The following MYOM2 variants were observed in gnomAD, a reference collection of about 807,000 sequenced individuals.
The protein encoded by MYOM2 is myomesin 2, also known as myomesin-2.
Under a neutral mutation model 187.6 loss-of-function variants are expected in MYOM2, and 254 were observed. That is an observed-to-expected ratio of 1.35 (90% confidence interval 1.22 to 1.50). The LOEUF (loss-of-function observed/expected upper bound fraction) is 1.50, where lower values mean the gene tolerates loss of function less well. Ranked by LOEUF, MYOM2 falls within the 40% of genes most tolerant of loss-of-function variation. The pLI, the probability that MYOM2 is intolerant of heterozygous loss-of-function variation, is 0.00. For missense variants in MYOM2, 2,796 were observed against 1,924.0 expected, an observed-to-expected ratio of 1.45 and a Z score of -8.48; for synonymous variants, 981 against 753.8, an observed-to-expected ratio of 1.30 and a Z score of -4.94.
chr8:2,046,929 C>G lies in MYOM2; in HGVS notation c.-13+1761C>G, dbSNP rs530706886. 2.5e-3 allele frequency among the ~76,000 whole-genome samples: 379 copies of G among 152,174 alleles called. 1 individual carries two copies. Among genetic ancestry groups the G allele is most frequent in the Non-Finnish European group, 4.1e-3 (279 of 68,018 alleles). On this transcript the variant is annotated intron_variant, in intron 1 of 36. Transcript: ENST00000262113. ...ATAGTACAGGTTGATCATTCCAAAT[C>G]TGAAGATCAGAAATCCAGAATGCTC...
intron 25 of MYOM2, among the ~76,000 whole-genome samples, chr8:2,112,739 C>T (rs979246464): frequency 7.9e-5 from 12 of 152,160 alleles, no homozygotes; most frequent in African/African-American, 2.7e-4. Context: ...GAAATGTAAA[C>T]TCAGAGAGAA....
rs776329823 is a variant in MYOM2, at chr8:2,078,860, G to A, written c.1389G>A (p.Ala463=). The change falls in exon 12 of 37, where the codon GCG becomes GCA. Residue 463 remains alanine, a synonymous_variant. Coordinates refer to ENST00000262113, the MANE Select transcript of MYOM2 (RefSeq NM_003970.4). ...YIFRVRAVNS[A]GISRPSRVSD... ...TCCGAGTGAGGGCAGTGAACAGTGC[G>A]GGCATCAGCCGACCCTCCAGGGTCT... 1.4e-5 allele frequency: 23 copies of A among 1,613,880 alleles called. No homozygotes were observed. The highest frequency in any genetic ancestry group is 1.1e-4 in the East Asian group (5 of 44,884).
intron 6 of MYOM2, among the ~76,000 whole-genome samples, chr8:2,064,067 G>T (rs558948495): frequency 6.6e-6 from 1 of 152,234 alleles, no homozygotes; most frequent in Non-Finnish European, 1.5e-5. Flanking sequence ...ATGGGCCAAA[G>T]CTGTGATTTG....
rs1819532009 is a variant in MYOM2, at chr8:2,079,039, G to T, written c.1462+106G>T. 5 of 1,085,734 alleles carry T rather than the reference G, an allele frequency of 4.6e-6. No individual in the cohort carries two copies. The Admixed American group carries it at 7.3e-5, about 16-fold the overall frequency. The allele number at this position is 1,085,734 out of a possible 1,614,324, so 67.3% of individuals were successfully genotyped here. A position where few individuals can be genotyped will look rare whatever the true frequency, so the allele number is the denominator to read the frequency against. ...CCAACTCGATGTGAGCCCTGAGAAT[G>T]CCCTGTGTGCAGAGCATAGCACAGG... On this transcript the variant is annotated intron_variant, in intron 12 of 36. Transcript: ENST00000262113.
chr8:2,076,283 G>T lies in MYOM2; in HGVS notation c.1262+1G>T. On this transcript the variant is annotated splice_donor_variant, in intron 11 of 36. Transcript: ENST00000262113. LOFTEE classifies it high-confidence loss of function. The stretch of plus-strand genomic sequence containing the variant: ...CCGTCATGGGCTATTTTGTGGACCG[G>T]TGAGCGTCTTGCATTCTCCCGGGGA... 1 of 1,613,330 alleles carries T rather than the reference G, an allele frequency of 6.2e-7. No individual in the cohort carries two copies. The highest frequency in any genetic ancestry group is 8.5e-7 in the Non-Finnish European group (1 of 1,179,816).
intron 1 of MYOM2, among the ~76,000 whole-genome samples, chr8:2,047,462 C>T (rs960199590): frequency 1.3e-5 from 2 of 152,186 alleles, no homozygotes; most frequent in African/African-American, 4.8e-5. Flanking sequence ...GGCACATTGG[C>T]ACTGGGAGTC....
Position 2,145,190 on chromosome 8 carries a change from A to G in MYOM2, c.*209A>G, listed in dbSNP as rs1413485585. On this transcript the variant is annotated 3_prime_UTR_variant, in exon 37 of 37. Transcript: ENST00000262113. ...CTAATGTTTTCCACAAGACTGAACA[A>G]CGTGTATTTACACGAGGGTAGACGG... 9.8e-6 allele frequency: 6 copies of G among 611,234 alleles called. No individual in the cohort carries two copies. Among genetic ancestry groups the G allele is most frequent in the Non-Finnish European group, 1.7e-5 (6 of 355,988 alleles). The allele number at this position is 611,234 out of a possible 1,614,324, so 37.9% of individuals were successfully genotyped here. A position where few individuals can be genotyped will look rare whatever the true frequency, so the allele number is the denominator to read the frequency against.
chr8:2,050,148 T>C (rs1818434790), intron 1 of MYOM2, among the ~76,000 whole-genome samples: 1 of 152,120 alleles, frequency 6.6e-6, no homozygotes, highest in Non-Finnish European at 1.5e-5. Context: ...CCAGAGTGAT[T>C]TCTGGTCACA....
intron 2 of MYOM2, among the ~76,000 whole-genome samples, chr8:2,051,309 A>G (rs895989962): frequency 6.6e-6 from 1 of 152,132 alleles, no homozygotes; most frequent in South Asian, 2.1e-4. Flanking sequence ...TCGATCATGG[A>G]TGTGCCGAGA....
intron 32 of MYOM2, among the ~76,000 whole-genome samples, chr8:2,132,231 C>A: frequency 6.8e-6 from 1 of 147,046 alleles, no homozygotes; most frequent in Non-Finnish European, 1.5e-5. Flanking sequence ...TGCTGTGGGT[C>A]CTGGAATATT....
chr8:2,112,974 G>A (rs929540506), intron 25 of MYOM2, among the ~76,000 whole-genome samples: 3 of 152,148 alleles, frequency 2.0e-5, no homozygotes, highest in African/African-American at 7.2e-5. Flanking sequence ...TTGCTCATGT[G>A]GCCCCAAGAG....
At position 2,085,617 on chromosome 8, in the gene MYOM2, GCCCCCCACAGTCGTGATCT is replaced by G. The variant is rs1819837258; in HGVS notation, c.1644+229_1644+247del. On this transcript the variant is annotated intron_variant, in intron 14 of 36. Coordinates refer to ENST00000262113, the MANE Select transcript of MYOM2 (RefSeq NM_003970.4). The stretch of plus-strand genomic sequence containing the variant: ...GCCCCACTGTCGTGATCTCTGCGTG[GCCCCCCACAGTCGTGATCT>G]CTTTGTGGCCCCCCACTGTCGTGAT... 5.0e-4 allele frequency among the ~76,000 whole-genome samples: 3 copies of G among 5,970 alleles called. 1 individual carries two copies. The highest frequency in any genetic ancestry group is 1.8e-3 in the African/African-American group (1 of 560). 3.9% of individuals were successfully genotyped at this position (5,970 alleles called of 152,430 possible). A position where few individuals can be genotyped will look rare whatever the true frequency, so the allele number is the denominator to read the frequency against.
Position 2,045,527 on chromosome 8 carries a change from G to A in MYOM2, c.-13+359G>A, listed in dbSNP as rs140116428. On this transcript the variant is annotated intron_variant, in intron 1 of 36. Transcript: ENST00000262113. ...CAAGTTTCATGAGATTCTCAGAAAC[G>A]AAAGCCTCCCCCGAGGAGAGGGCTG... 3.9e-5 allele frequency among the ~76,000 whole-genome samples: 6 copies of A among 152,306 alleles called. No individual in the cohort carries two copies. In the East Asian group the frequency reaches 9.6e-4, roughly 24 times the overall value.
chr8:2,108,847 C>G lies in MYOM2; in HGVS notation c.3043+17C>G. 6.2e-7 allele frequency: 1 copy of G among 1,613,382 alleles called. No individual in the cohort carries two copies. Among genetic ancestry groups the G allele is most frequent in the Non-Finnish European group, 8.5e-7 (1 of 1,179,596 alleles). On this transcript the variant is annotated intron_variant, in intron 24 of 36. Transcript: ENST00000262113. ...AGAACCCCAGTAAGTAAGCCTCCAG[C>G]CCTTCCCCTCTGCTTGCAGCTGCTG...
intron 27 of MYOM2, 45 bp downstream of exon 27, chr8:2,116,320 G>T (rs1797244085): frequency 1.2e-5 from 18 of 1,561,134 alleles, no homozygotes; most frequent in Non-Finnish European, 1.5e-5. Flanking sequence ...CTAGCATAAA[G>T]CAAAGATGAT....
At chr8:2,136,985 C>T (rs118089396) in intron 32 of MYOM2, among the ~76,000 whole-genome samples, 4,121 of 152,198 alleles carry the variant, frequency 0.027, 55 homozygotes, top group Middle Eastern at 0.048. Flanking sequence ...ACTAGCTTTT[C>T]TTCATGGCTC....
At chr8:2,054,042 G>A (rs1818577900) in intron 3 of MYOM2, among the ~76,000 whole-genome samples, 1 of 152,194 alleles carries the variant, frequency 6.6e-6, no homozygotes, top group Admixed American at 6.5e-5. Flanking sequence ...TGAGCCCCGT[G>A]CTGAGTGATG....
chr8:2,114,019 TG>T (rs895784229), intron 25 of MYOM2, among the ~76,000 whole-genome samples: 8 of 152,072 alleles, frequency 5.3e-5, no homozygotes, highest in Admixed American at 2.0e-4. Context: ...AGGGTGCTAT[TG>T]GGGGAAGGGA....
Position 2,115,958 on chromosome 8 carries a change from A to G in MYOM2, c.3181-2A>G, listed in dbSNP as rs776991989. ...TCTCCATTTCCCTTGTTTTGCTTGC[A>G]GATACACAGAATTAAATGTGACAAA... On this transcript the variant is annotated splice_acceptor_variant, in intron 25 of 36. Transcript: ENST00000262113. LOFTEE classifies it high-confidence loss of function. 1.2e-6 allele frequency: 2 copies of G among 1,607,696 alleles called. No homozygotes were observed. Among genetic ancestry groups the G allele is most frequent in the Non-Finnish European group, 1.7e-6 (2 of 1,178,572 alleles).
Sources: allele counts gnomAD v4.1 joint callset (sites outside exome capture counted in the v4.1 genomes callset), GRCh38; gene constraint gnomAD v4.1.1; transcripts MANE v1.5; gene names NCBI Gene and HGNC (gene_info 2026-07-23, HGNC 2026-07-21).